The following DNAH5 variants were observed in gnomAD, a reference collection of about 807,000 sequenced individuals.
DNAH5 encodes dynein axonemal heavy chain 5.
DNAH5 carries 372 observed loss-of-function variants against 518.2 expected under a neutral mutation model. That is an observed-to-expected ratio of 0.72 (90% CI 0.66 to 0.78). The LOEUF is 0.78. Among genes scored for constraint, DNAH5 ranks in the 30% least tolerant of loss-of-function variants. DNAH5 has a pLI of 0.00. For missense variants in DNAH5, 5,523 were observed against 5,687.0 expected (o/e 0.97, Z 0.93); for synonymous variants, 2,039 against 2,025.9 (o/e 1.01, Z -0.17).
intron 1 of DNAH5, among the ~76,000 whole-genome samples, chr5:14,003,972 T>C (rs1784543399): frequency 6.6e-6 from 1 of 152,108 alleles, no homozygotes; most frequent in Admixed American, 6.5e-5. Flanking sequence ...ACCCAACTCA[T>C]CCCTTCCCCA....
intron 61 of DNAH5, among the ~76,000 whole-genome samples, chr5:13,757,703 T>A (rs28590426): frequency 1.4e-4 from 21 of 152,108 alleles, no homozygotes; most frequent in East Asian, 1.4e-3. Flanking sequence ...ATTCACAATT[T>A]AAAAAAAATC....
In DNAH5 at chr5:13,921,749, CA is replaced by C. The variant is rs1777317756; in HGVS notation, c.660+357del. ...CCCACCTCCATCTGCCGCCCACACA[CA>C]CCCCCCCACACACACACACACTTCA... is the stretch of plus-strand genomic sequence containing the variant. On this transcript the variant is annotated intron_variant, in intron 5 of 78. Transcript: ENST00000265104. 1.1e-4 allele frequency among the ~76,000 whole-genome samples: 9 copies of C among 82,360 alleles called. No homozygotes were observed. In the South Asian group the frequency reaches 1.1e-3, roughly 10 times the overall value. 54.0% of individuals were successfully genotyped at this position (82,360 alleles called of 152,430 possible).
Position 13,804,001 on chromosome 5 carries a change from T to A in DNAH5, c.7887+3590A>T, listed in dbSNP as rs533801066. On this transcript the variant is annotated intron_variant, in intron 47 of 78. Coordinates refer to ENST00000265104, the MANE Select transcript of DNAH5 (RefSeq NM_001369.3). ...AACTTTATAATTATTTTTAGAAATC[T>A]TTTCAGAAATTATCTTAATTTTTGC... 1.7e-3 allele frequency among the ~76,000 whole-genome samples: 266 copies of A among 152,336 alleles called. 1 individual carries two copies. The highest frequency in any genetic ancestry group is 2.8e-3 in the Non-Finnish European group (192 of 68,040).
In DNAH5 at chr5:13,923,315, G is replaced by T; in HGVS notation, c.403C>A (p.Pro135Thr). 1 of 1,614,042 alleles carries T rather than the reference G, an allele frequency of 6.2e-7. No individual in the cohort carries two copies. Among genetic ancestry groups the T allele is most frequent in the Non-Finnish European group, 8.5e-7 (1 of 1,179,988 alleles). The change falls in exon 4 of 79, where the codon CCT becomes ACT. Residue 135 changes from proline (P) to threonine (T), a missense_variant. Physicochemically the swap from Pro to Thr is conservative, Grantham distance 38. Around this residue, in one of 3 missense-constraint regions of DNAH5, gnomAD observed 5,121 missense variants for 5,223.3 expected, o/e 0.98. Transcript: ENST00000265104. ...TTGTCAGGGGTGATGGCTTTGGAAG[G>T]GTCAGTCCTGATGAAGAACACACAT... Reference protein sequence around the residue: ...GVCVFFIRTDPSKAITPDNIH... With the variant: ...GVCVFFIRTDTSKAITPDNIH...
intron 50 of DNAH5, among the ~76,000 whole-genome samples, chr5:13,791,563 G>T (rs1378851048): frequency 6.6e-6 from 1 of 152,026 alleles, no homozygotes; most frequent in Non-Finnish European, 1.5e-5. Flanking sequence ...AACAAAATGG[G>T]TTTTTTAATT....
chr5:13,931,747 G>C (rs1778448303), intron 1 of DNAH5, among the ~76,000 whole-genome samples: 2 of 152,102 alleles, frequency 1.3e-5, no homozygotes. Context: ...TGAGAATAAG[G>C]CATGCTTAAT....
intron 1 of DNAH5, among the ~76,000 whole-genome samples, chr5:13,980,587 G>A (rs946728963): frequency 1.3e-5 from 2 of 151,912 alleles, no homozygotes; most frequent in East Asian, 3.9e-4. Context: ...GCAAAATATA[G>A]CCCAAATCTG....
chr5:13,916,526 C>T (rs186210293), intron 8 of DNAH5, 71 bp from the exon 9 acceptor site: 18 of 745,564 alleles, frequency 2.4e-5, no homozygotes, highest in Admixed American at 1.3e-4. Flanking sequence ...CTAACCATTC[C>T]ATCTGCATTA....
Position 13,840,863 on chromosome 5 carries a change from ATTTG to A in DNAH5, c.5709+39_5709+42del, listed in dbSNP as rs759765620. The A allele has an allele frequency of 5.8e-5, 89 of 1,522,832 alleles. No homozygotes were observed. The Middle Eastern group carries it at 8.7e-4, about 15-fold the overall frequency. 94.3% of individuals were successfully genotyped at this position (1,522,832 alleles called of 1,614,324 possible). A position where few individuals can be genotyped will look rare whatever the true frequency, so the allele number is the denominator to read the frequency against. On this transcript the variant is annotated intron_variant, in intron 34 of 78. Coordinates refer to ENST00000265104, the MANE Select transcript of DNAH5 (RefSeq NM_001369.3). ...TGGGTAAATGCAGATAGTGTCTAGAATTTGTTTTTCTCTACATGCCACAGCATTT... is the reference window on the plus strand; with the variant it reads ...TGGGTAAATGCAGATAGTGTCTAGAATTTTTCTCTACATGCCACAGCATTT...
chr5:13,701,200 A>C lies in DNAH5; in HGVS notation c.13491+84T>G. 6 of 1,570,980 alleles carry C rather than the reference A, an allele frequency of 3.8e-6. No individual in the cohort carries two copies. In the Admixed American group the frequency reaches 1.0e-4, roughly 26 times the overall value. On this transcript the variant is annotated intron_variant, in intron 77 of 78. Coordinates refer to ENST00000265104, the MANE Select transcript of DNAH5 (RefSeq NM_001369.3). Reference sequence around the variant, plus strand: ...AAAAGAGACAGTCATTCTCTGTCTTATTATAGTCTTTAAAACTATAATGAT... The same window carrying C: ...AAAAGAGACAGTCATTCTCTGTCTTCTTATAGTCTTTAAAACTATAATGAT...
At position 13,717,518 on chromosome 5, in the gene DNAH5, C is replaced by T. The variant is rs747409181; in HGVS notation, c.12502G>A (p.Val4168Ile). ...RAGLKRTYSG[V>I]SQDLLDVSSG... ...CTCACGTCCAGCAGGTCTTGGCTGA[C>T]ACCTGTTGTGGTCAGTTGGGTGAAA... The change falls in exon 73 of 79, where the codon GTC (valine) becomes ATC (isoleucine). Residue 4168 changes from valine (V) to isoleucine (I), a missense_variant and splice_region_variant. Around this residue, in one of 3 missense-constraint regions of DNAH5, gnomAD observed 5,121 missense variants for 5,223.3 expected, o/e 0.98. Transcript: ENST00000265104. 26 of 1,613,968 alleles carry T rather than the reference C, an allele frequency of 1.6e-5. No homozygotes were observed. Among genetic ancestry groups the T allele is most frequent in the Admixed American group, 1.0e-4 (6 of 60,004 alleles).
chr5:13,974,527 T>C (rs1220476839), intron 1 of DNAH5, among the ~76,000 whole-genome samples: 2 of 152,200 alleles, frequency 1.3e-5, no homozygotes, highest in East Asian at 3.8e-4. Context: ...TTTAATGAAC[T>C]TGTCTCATCT....
chr5:13,700,032 G>A (rs1411454732), intron 78 of DNAH5, among the ~76,000 whole-genome samples: 1 of 152,224 alleles, frequency 6.6e-6, no homozygotes, highest in Non-Finnish European at 1.5e-5. Flanking sequence ...AGAATCACGT[G>A]TGTACTTCAC....
At chr5:13,820,269 T>C (rs1160439023) in intron 41 of DNAH5, 77 bp downstream of exon 41, 4 of 1,447,164 alleles carry the variant, frequency 2.8e-6, no homozygotes, top group Non-Finnish European at 3.8e-6. Context: ...TCTGCCTGTG[T>C]ATCCCTCTTG....
chr5:13,877,818 G>A (rs1771099659), intron 21 of DNAH5, among the ~76,000 whole-genome samples: 1 of 152,176 alleles, frequency 6.6e-6, no homozygotes, highest in Non-Finnish European at 1.5e-5. Flanking sequence ...TGAGAGTGGA[G>A]TGGATTAGAC....
At chr5:13,788,123 C>T (rs760855307) in intron 51 of DNAH5, among the ~76,000 whole-genome samples, 1 of 152,124 alleles carries the variant, frequency 6.6e-6, no homozygotes, top group Non-Finnish European at 1.5e-5. Context: ...AAAAGCTTGC[C>T]CCACATCAGC....
At chr5:13,772,296 C>A (rs1753454273) in intron 55 of DNAH5, among the ~76,000 whole-genome samples, 1 of 152,194 alleles carries the variant, frequency 6.6e-6, no homozygotes, top group Admixed American at 6.5e-5. Context: ...TAATGATTTT[C>A]TTTCTTCTTA....
chr5:13,968,052 T>C (rs967044726), intron 1 of DNAH5, among the ~76,000 whole-genome samples: 1 of 152,210 alleles, frequency 6.6e-6, no homozygotes, highest in African/African-American at 2.4e-5. Flanking sequence ...GGTTTACTCC[T>C]AAGTATTTTA....
At chr5:13,898,873 G>A (rs781168876) in intron 15 of DNAH5, 3 of 362,010 alleles carry the variant, frequency 8.3e-6, no homozygotes, top group Non-Finnish European at 1.5e-5. Flanking sequence ...ATTTGCCACT[G>A]GTGACCAGTC....
Sources: gnomAD v4.1 joint callset for allele counts (sites outside exome capture counted in the v4.1 genomes callset) on GRCh38, gnomAD v4.1.1 for gene constraint, gnomAD v4.1.1 regional missense constraint, MANE v1.5 for transcripts, NCBI Gene and HGNC (gene_info 2026-07-23, HGNC 2026-07-21) for gene names.